The following KCNJ6 variants were observed in gnomAD, a reference collection of about 807,000 sequenced individuals.
The protein encoded by KCNJ6 is potassium inwardly rectifying channel subfamily J member 6.
Under a neutral mutation model 34.2 loss-of-function variants are expected in KCNJ6, and 9 were observed. The observed-to-expected ratio is 0.26, with a 90% CI of 0.16 to 0.46. The LOEUF (loss-of-function observed/expected upper bound fraction) is 0.46, where lower values mean the gene tolerates loss of function less well. Among genes scored for constraint, KCNJ6 ranks in the 20% least tolerant of loss-of-function variants. The pLI is 1.00. For missense variants in KCNJ6, 236 were observed against 531.3 expected (o/e 0.44, Z 5.46); for synonymous variants, 196 against 207.1 (o/e 0.95, Z 0.46).
intron 2 of KCNJ6, among the ~76,000 whole-genome samples, chr21:37,805,178 T>C (rs924182302): frequency 4.6e-5 from 7 of 152,126 alleles, no homozygotes; most frequent in African/African-American, 1.7e-4. Flanking sequence ...GTTCTGGCAT[T>C]AGATTGTGGT....
chr21:37,865,030 T>C (rs934689493), intron 1 of KCNJ6, among the ~76,000 whole-genome samples: 7 of 152,116 alleles, frequency 4.6e-5, no homozygotes, highest in Admixed American at 2.6e-4. Context: ...TCTATGCCCA[T>C]GAGGCTTCAA....
chr21:37,904,321 C>T (rs1313037366), intron 1 of KCNJ6, among the ~76,000 whole-genome samples: 1 of 152,182 alleles, frequency 6.6e-6, no homozygotes, highest in African/African-American at 2.4e-5. Context: ...TCACAAAAGA[C>T]TCAGCCTTGC....
At chr21:37,697,433 T>A (rs1314287461) in intron 3 of KCNJ6, among the ~76,000 whole-genome samples, 1 of 152,128 alleles carries the variant, frequency 6.6e-6, no homozygotes, top group Non-Finnish European at 1.5e-5. Flanking sequence ...AGAACCTGAG[T>A]ATTCCCAATG....
At chr21:37,783,116 G>A (rs2055177333) in intron 2 of KCNJ6, among the ~76,000 whole-genome samples, 1 of 152,178 alleles carries the variant, frequency 6.6e-6, no homozygotes, top group South Asian at 2.1e-4. Context: ...TCACACAGGA[G>A]TCAATGCCAT....
intron 2 of KCNJ6, among the ~76,000 whole-genome samples, chr21:37,735,673 G>T (rs1316101942): frequency 6.6e-6 from 1 of 152,184 alleles, no homozygotes; most frequent in African/African-American, 2.4e-5. Context: ...GGTGTGTAAA[G>T]CCTGTGACTT....
At position 37,855,950 on chromosome 21, in the gene KCNJ6, C is replaced by G. The variant is rs143112519; in HGVS notation, c.-27-15241G>C. 3.2e-3 allele frequency among the ~76,000 whole-genome samples: 484 copies of G among 152,294 alleles called. 4 individuals are homozygous for G. The highest frequency in any genetic ancestry group is 0.011 in the African/African-American group (452 of 41,558). ...TCCCTGACAGGCAGCAGCTGTTCAG[C>G]CTCCCTGTCCCAGAGCACAGCAGAA... On this transcript the variant is annotated intron_variant, in intron 1 of 3. Coordinates refer to ENST00000609713, the MANE Select transcript of KCNJ6 (RefSeq NM_002240.5).
chr21:37,756,457 G>A (rs560167612), intron 2 of KCNJ6, among the ~76,000 whole-genome samples: 2 of 152,306 alleles, frequency 1.3e-5, no homozygotes, highest in East Asian at 3.9e-4. Flanking sequence ...GCGCAGTCTG[G>A]GTGAGGGGTC....
At chr21:37,838,772 G>A (rs1241500179) in intron 2 of KCNJ6, among the ~76,000 whole-genome samples, 1 of 152,152 alleles carries the variant, frequency 6.6e-6, no homozygotes, top group Non-Finnish European at 1.5e-5. Flanking sequence ...GATATGATTT[G>A]GCTCTGTGTC....
At chr21:37,858,636 T>C (rs1291975537) in intron 1 of KCNJ6, among the ~76,000 whole-genome samples, 2 of 151,800 alleles carry the variant, frequency 1.3e-5, no homozygotes, top group African/African-American at 4.8e-5. Flanking sequence ...AACAAGACAA[T>C]GGGATAAGAT....
chr21:37,808,402 T>A (rs1317576236), intron 2 of KCNJ6, among the ~76,000 whole-genome samples: 2 of 152,224 alleles, frequency 1.3e-5, no homozygotes, highest in Admixed American at 1.3e-4. Context: ...AAAAGTTAGA[T>A]GGCCTGTTGA....
chr21:37,779,195 C>T (rs896538606), intron 2 of KCNJ6, among the ~76,000 whole-genome samples: 1 of 152,114 alleles, frequency 6.6e-6, no homozygotes, highest in Non-Finnish European at 1.5e-5. Context: ...AGTCCCAACC[C>T]TGCTTCATTT....
intron 2 of KCNJ6, among the ~76,000 whole-genome samples, chr21:37,838,733 T>C (rs1044033054): frequency 2.0e-5 from 3 of 152,242 alleles, no homozygotes; most frequent in African/African-American, 7.2e-5. Context: ...TTCATCACTT[T>C]AGGATGCTTT....
intron 1 of KCNJ6, among the ~76,000 whole-genome samples, chr21:37,908,718 CTAATT>C (rs898647336): frequency 3.3e-5 from 5 of 152,274 alleles, no homozygotes; most frequent in Admixed American, 1.3e-4. Context: ...CATATCCCAA[CTAATT>C]TATTTTAAAA....
At chr21:37,726,143 T>C (rs1013829497) in intron 2 of KCNJ6, among the ~76,000 whole-genome samples, 2 of 152,134 alleles carry the variant, frequency 1.3e-5, no homozygotes, top group African/African-American at 4.8e-5. Flanking sequence ...TGACCTCAGG[T>C]GATCCACCCC....
chr21:37,729,706 T>C (rs2054874276), intron 2 of KCNJ6, among the ~76,000 whole-genome samples: 2 of 152,218 alleles, frequency 1.3e-5, no homozygotes, highest in South Asian at 2.1e-4. Context: ...ATGACCATCA[T>C]GTACAGCGAT....
intron 1 of KCNJ6, among the ~76,000 whole-genome samples, chr21:37,898,337 A>C (rs1040622807): frequency 1.3e-5 from 2 of 152,190 alleles, no homozygotes; most frequent in Non-Finnish European, 2.9e-5. Context: ...CAAAAATGCC[A>C]GTATTGGGAG....
At chr21:37,712,520 CCTCCCTTTCTCTTCCCT>C (rs2054760232) in intron 3 of KCNJ6, among the ~76,000 whole-genome samples, 8 of 93,296 alleles carry the variant, frequency 8.6e-5, no homozygotes, top group African/African-American at 3.1e-4. Flanking sequence ...TCCTCTCCTT[CCTCCCTTTCTCTTCCCT>C]CCCTCCTCCT....
intron 2 of KCNJ6, among the ~76,000 whole-genome samples, chr21:37,818,626 C>G (rs1028170570): frequency 2.0e-5 from 3 of 152,154 alleles, no homozygotes; most frequent in Non-Finnish European, 4.4e-5. Flanking sequence ...GACTCGTCTC[C>G]CCCAACCCAA....
At chr21:37,720,175 T>C (rs2054817577) in intron 2 of KCNJ6, among the ~76,000 whole-genome samples, 1 of 152,140 alleles carries the variant, frequency 6.6e-6, no homozygotes, top group Non-Finnish European at 1.5e-5. Flanking sequence ...TACATTTATA[T>C]TACTTTTATA....
Sources: allele counts gnomAD v4.1 joint callset (sites outside exome capture counted in the v4.1 genomes callset), GRCh38; gene constraint gnomAD v4.1.1; transcripts MANE v1.5; gene names NCBI Gene and HGNC (gene_info 2026-07-23, HGNC 2026-07-21).